The following GAD2 variants were observed in gnomAD, a reference collection of about 807,000 sequenced individuals.
The protein encoded by GAD2 is 65 kDa glutamic acid decarboxylase.
GAD2 carries 22 observed loss-of-function variants against 80.1 expected under a neutral mutation model. That is an observed-to-expected ratio of 0.27 (90% CI 0.20 to 0.39). The LOEUF (loss-of-function observed/expected upper bound fraction) is 0.39. GAD2 is among the 10% of genes least tolerant of loss of function. GAD2 has a pLI of 1.00. For synonymous variants in GAD2, 274 were observed against 256.9 expected (o/e 1.07, Z -0.64); for missense variants, 624 against 738.4 (o/e 0.85, Z 1.80).
At chr10:26,290,144 T>G (rs553739254) in intron 13 of GAD2, among the ~76,000 whole-genome samples, 2 of 152,186 alleles carry the variant, frequency 1.3e-5, no homozygotes, top group Non-Finnish European at 2.9e-5. Flanking sequence ...TGAAAATGAA[T>G]GTTTACTTTC....
intron 14 of GAD2, 24 bp downstream of exon 14, chr10:26,292,596 C>G: frequency 6.4e-7 from 1 of 1,558,940 alleles, no homozygotes; most frequent in Non-Finnish European, 8.8e-7. Context: ...TTTCTACAAT[C>G]TCAGAAAGTT....
At chr10:26,221,869 G>C (rs868809160) in intron 4 of GAD2, among the ~76,000 whole-genome samples, 5 of 152,230 alleles carry the variant, frequency 3.3e-5, no homozygotes, top group Middle Eastern at 6.3e-3. Context: ...GACAGCAGCA[G>C]GAGGCCAAGG....
rs770759157 is a variant in GAD2, at chr10:26,219,069, A to G, written c.313A>G (p.Arg105Gly). The G allele has an allele frequency of 6.3e-7, 1 of 1,590,404 alleles. No homozygotes were observed. The change falls in exon 4 of 16, where the codon AGG becomes GGG. Residue 105 changes from arginine (R) to glycine (G), a missense_variant. Coordinates refer to ENST00000376261, the MANE Select transcript of GAD2 (RefSeq NM_001134366.2). ...CCTGCTGCCGGCGTGTGATGGAGAAAGGCCCACTTTGGCGTTTCTGCAAGA... is the reference window on the plus strand; with the variant it reads ...CCTGCTGCCGGCGTGTGATGGAGAAGGGCCCACTTTGGCGTTTCTGCAAGA... Reference protein sequence around the residue: ...TDLLPACDGERPTLAFLQDVM... With the variant: ...TDLLPACDGEGPTLAFLQDVM...
At chr10:26,260,350 C>T (rs1327948852) in intron 8 of GAD2, among the ~76,000 whole-genome samples, 1 of 152,176 alleles carries the variant, frequency 6.6e-6, no homozygotes, top group Non-Finnish European at 1.5e-5. Context: ...TAACTTCCGG[C>T]TGGGTACATG....
intron 12 of GAD2, among the ~76,000 whole-genome samples, chr10:26,284,877 T>G (rs1459656824): frequency 6.6e-6 from 1 of 152,068 alleles, no homozygotes; most frequent in East Asian, 1.9e-4. Flanking sequence ...CCATCCAGGT[T>G]TTTTAGGGCT....
In GAD2 at chr10:26,217,087, T is replaced by C. The variant is rs1844382226; in HGVS notation, c.76+202T>C. On this transcript the variant is annotated intron_variant, in intron 1 of 15. Coordinates refer to ENST00000376261, the MANE Select transcript of GAD2 (RefSeq NM_001134366.2). This position sits in a 1 kb window ranked among gnomAD's most constrained non-coding sequence, Gnocchi z 4.9. ...CTTGTACCCTGGGAAGACGCCCAAATAGTCTCAGGCCCGTTCCACAGAAGG... is the reference window on the plus strand; with the variant it reads ...CTTGTACCCTGGGAAGACGCCCAAACAGTCTCAGGCCCGTTCCACAGAAGG... 2.0e-5 allele frequency among the ~76,000 whole-genome samples: 3 copies of C among 151,842 alleles called. No homozygotes were observed. The highest frequency in any genetic ancestry group is 2.0e-4 in the Admixed American group (3 of 15,260).
At chr10:26,297,855 G>A (rs1323028427) in intron 15 of GAD2, among the ~76,000 whole-genome samples, 1 of 152,124 alleles carries the variant, frequency 6.6e-6, no homozygotes, top group Admixed American at 6.5e-5. Flanking sequence ...AGGTTTTGGG[G>A]GAAAGCTATC....
At chr10:26,238,536 C>A (rs1018796784) in intron 7 of GAD2, among the ~76,000 whole-genome samples, 6 of 152,242 alleles carry the variant, frequency 3.9e-5, no homozygotes, top group Admixed American at 6.5e-5. Flanking sequence ...TCATTCCTTT[C>A]ATTTGACACT....
chr10:26,258,178 A>G (rs1844967203), intron 8 of GAD2, among the ~76,000 whole-genome samples: 1 of 152,274 alleles, frequency 6.6e-6, no homozygotes, highest in Non-Finnish European at 1.5e-5. Context: ...ACAAAATAGT[A>G]TATTCTTTCA....
At chr10:26,294,303 G>T (rs1214654853) in intron 15 of GAD2, among the ~76,000 whole-genome samples, 1 of 152,198 alleles carries the variant, frequency 6.6e-6, no homozygotes, top group Non-Finnish European at 1.5e-5. Flanking sequence ...ATGAAGAAGA[G>T]GATTTTGTGT....
intron 9 of GAD2, among the ~76,000 whole-genome samples, chr10:26,269,842 G>A (rs756047116): frequency 5.3e-5 from 8 of 151,914 alleles, no homozygotes; most frequent in Non-Finnish European, 7.4e-5. Context: ...GCCCTTTTTC[G>A]TTTGGTTTTG....
chr10:26,295,144 C>T (rs1340048742), intron 15 of GAD2, among the ~76,000 whole-genome samples: 1 of 152,112 alleles, frequency 6.6e-6, no homozygotes, highest in Non-Finnish European at 1.5e-5. Context: ...TTAAATATCA[C>T]TCTTCAAATG....
chr10:26,299,723 A>T (rs1475561904), intron 15 of GAD2, among the ~76,000 whole-genome samples: 3 of 152,224 alleles, frequency 2.0e-5, no homozygotes, highest in African/African-American at 7.2e-5. Context: ...GGATAGTAGG[A>T]AATTAGCATA....
intron 8 of GAD2, among the ~76,000 whole-genome samples, chr10:26,256,620 G>A (rs1198991478): frequency 6.6e-6 from 1 of 152,096 alleles, no homozygotes; most frequent in African/African-American, 2.4e-5. Flanking sequence ...AGGTGATTTG[G>A]ATTCATCTGG....
intron 8 of GAD2, among the ~76,000 whole-genome samples, 188 bp downstream of exon 8, chr10:26,246,188 T>C (rs1270413951): frequency 6.6e-6 from 1 of 152,230 alleles, no homozygotes; most frequent in African/African-American, 2.4e-5. Flanking sequence ...CTTGATGCCA[T>C]GGAGCCTTCC....
intron 12 of GAD2, among the ~76,000 whole-genome samples, chr10:26,283,383 A>G (rs981353835): frequency 6.6e-6 from 1 of 152,216 alleles, no homozygotes; most frequent in African/African-American, 2.4e-5. Flanking sequence ...AGACCATTGT[A>G]AGGCTGTGCT....
At position 26,300,835 on chromosome 10, in the gene GAD2, G is replaced by A. The variant is rs1165966398; in HGVS notation, c.1632G>A (p.Met544Ile). 1 of 1,613,712 alleles carries A rather than the reference G, an allele frequency of 6.2e-7. No homozygotes were observed. The highest frequency in any genetic ancestry group is 8.5e-7 in the Non-Finnish European group (1 of 1,179,816). The change falls in exon 16 of 16, where the codon ATG (methionine) becomes ATA (isoleucine). Residue 544 changes from methionine (M) to isoleucine (I), a missense_variant. Coordinates refer to ENST00000376261, the MANE Select transcript of GAD2 (RefSeq NM_001134366.2). ...GAATGATGGAGTATGGAACCACAAT[G>A]GTCAGCTACCAACCCTTGGGAGACA... ...KARMMEYGTTMVSYQPLGDKV... is the reference protein window; with the variant it reads ...KARMMEYGTTIVSYQPLGDKV...
At chr10:26,293,178 T>C (rs1298237405) in intron 15 of GAD2, among the ~76,000 whole-genome samples, 187 bp downstream of exon 15, 32 of 123,924 alleles carry the variant, frequency 2.6e-4, no homozygotes, top group Non-Finnish European at 5.1e-4. Context: ...TCTTCTTTTT[T>C]TTTTTTTTTT....
At chr10:26,229,864 A>G (rs1844577468) in intron 7 of GAD2, 87 bp downstream of exon 7, 1 of 953,918 alleles carries the variant, frequency 1.0e-6, no homozygotes, top group South Asian at 1.5e-5. Flanking sequence ...CATTATCCCC[A>G]GAGGCCCTCT....
Sources: gnomAD v4.1 joint callset for allele counts (sites outside exome capture counted in the v4.1 genomes callset) on GRCh38, gnomAD v4.1.1 for gene constraint, Gnocchi (gnomAD v3.1) non-coding constraint, MANE v1.5 for transcripts, NCBI Gene and HGNC (gene_info 2026-07-23, HGNC 2026-07-21) for gene names.